HPSE2: variants seen among roughly 807,000 people sequenced by gnomAD.
HPSE2 encodes heparanase 2 (inactive), also known as inactive heparanase-2.
HPSE2 carries 38 observed loss-of-function variants against 60.5 expected under a neutral mutation model. The ratio of observed to expected loss-of-function variants is 0.63; its 90% CI spans 0.48 to 0.82. HPSE2 has a LOEUF of 0.82. Among genes scored for constraint, HPSE2 ranks in the 40% least tolerant of loss-of-function variants. HPSE2 has a pLI of 0.00. For missense variants in HPSE2, 713 were observed against 740.4 expected (o/e 0.96, Z 0.43); for synonymous variants, 295 against 293.2 (o/e 1.01, Z -0.06).
chr10:98,675,508 C>T (rs1947612802), intron 6 of HPSE2, among the ~76,000 whole-genome samples: 1 of 150,882 alleles, frequency 6.6e-6, no homozygotes, highest in Non-Finnish European at 1.5e-5. Context: ...CAGTTTGAGA[C>T]CAGCCTAAGC....
At chr10:98,521,472 A>T (rs143444841) in intron 9 of HPSE2, among the ~76,000 whole-genome samples, 3,201 of 152,300 alleles carry the variant, frequency 0.021, 118 homozygotes, top group African/African-American at 0.072. Flanking sequence ...ATCATTAAAA[A>T]GTCAGGAAAC....
At chr10:99,272,361 T>C in the HPSE2 span, among the ~76,000 whole-genome samples, 81 of 151,824 alleles carry the variant, frequency 5.3e-4, no homozygotes, top group Non-Finnish European at 6.6e-4. Flanking sequence ...CTTCTAGACA[T>C]TGGCTTTGGC....
intron 6 of HPSE2, among the ~76,000 whole-genome samples, chr10:98,674,709 G>A (rs925219114): frequency 1.3e-5 from 2 of 152,194 alleles, no homozygotes; most frequent in East Asian, 3.9e-4. Context: ...GAGGTCAGGA[G>A]TTCGAGACCA....
At chr10:98,721,119 C>T (rs1948912146) in intron 5 of HPSE2, among the ~76,000 whole-genome samples, 1 of 151,808 alleles carries the variant, frequency 6.6e-6, no homozygotes, top group Admixed American at 6.6e-5. Flanking sequence ...TCTTTCCTTG[C>T]CTTGCGTGAT....
chr10:98,565,638 T>C (rs4917842), intron 9 of HPSE2, among the ~76,000 whole-genome samples: 130,968 of 152,126 alleles, frequency 0.86, 57,321 homozygotes, highest in East Asian at 1. Context: ...AGTAAACATA[T>C]GTGTGCATGC....
intron 2 of HPSE2, among the ~76,000 whole-genome samples, chr10:99,153,311 A>T (rs986304233): frequency 2.6e-5 from 4 of 152,170 alleles, no homozygotes; most frequent in Non-Finnish European, 5.9e-5. Context: ...GCACAGACAA[A>T]CAAAAAGACA....
At chr10:98,465,196 C>T (rs985265103) in intron 11 of HPSE2, among the ~76,000 whole-genome samples, 11 of 152,318 alleles carry the variant, frequency 7.2e-5, no homozygotes, top group African/African-American at 2.6e-4. Flanking sequence ...CATTGAACAG[C>T]TTGTAAGCTT....
chr10:98,598,416 C>A (rs528655709), intron 9 of HPSE2, among the ~76,000 whole-genome samples: 3 of 152,040 alleles, frequency 2.0e-5, no homozygotes, highest in Non-Finnish European at 4.4e-5. Flanking sequence ...TTAGGGCAGG[C>A]CTGGAGCCTG....
At chr10:99,304,556 G>A in the HPSE2 span, among the ~76,000 whole-genome samples, 43 of 152,216 alleles carry the variant, frequency 2.8e-4, no homozygotes, top group Non-Finnish European at 5.0e-4. Context: ...TGCCTGCCCT[G>A]CATCAGATAC....
chr10:98,778,138 G>A (rs1950381369), intron 3 of HPSE2, among the ~76,000 whole-genome samples: 1 of 152,104 alleles, frequency 6.6e-6, no homozygotes, highest in South Asian at 2.1e-4. Flanking sequence ...GTGGGACACA[G>A]AGGTGGGTGC....
rs140410853 is a variant in HPSE2 at position 99,183,457 on chromosome 10, A to T, written c.449-39058T>A. Among the ~76,000 whole-genome samples, 8 of 152,328 alleles carry T rather than the reference A, an allele frequency of 5.3e-5. No individual in the cohort carries two copies. In the East Asian group the frequency reaches 1.3e-3, roughly 26 times the overall value. On this transcript the variant is annotated intron_variant, in intron 2 of 11. Transcript: ENST00000370552. ...GGAAACTTGTATTTGTTTTATCCTC[A>T]AGAAAGGATCTTCAGGCCTCTCAAA...
chr10:98,737,101 C>T (rs1451019615), intron 4 of HPSE2, among the ~76,000 whole-genome samples: 1 of 152,044 alleles, frequency 6.6e-6, no homozygotes, highest in East Asian at 1.9e-4. Flanking sequence ...CTCTCCTTCC[C>T]TATCAAAACT....
rs1290498326 is a variant in HPSE2 at position 99,235,395 on chromosome 10, CTCTT to C, written c.290+114_290+117del. 1.0e-5 allele frequency: 10 copies of C among 970,424 alleles called. No homozygotes were observed. The African/African-American group carries it at 1.6e-4, about 16-fold the overall frequency. The allele number at this position is 970,424 out of a possible 1,614,324, so 60.1% of individuals were successfully genotyped here. On this transcript the variant is annotated intron_variant, in intron 1 of 11. Transcript: ENST00000370552. ...CAGGAGAAGGAAAACCTCTTTTCTT[CTCTT>C]TGAGAGATCTGCTTGGCTTATTTTC...
At chr10:98,532,316 C>G (rs1943155750) in intron 9 of HPSE2, among the ~76,000 whole-genome samples, 1 of 152,148 alleles carries the variant, frequency 6.6e-6, no homozygotes, top group Non-Finnish European at 1.5e-5. Flanking sequence ...AGGGCCAGCA[C>G]AGAAATCTTG....
chr10:98,915,064 G>T (rs771368915), intron 3 of HPSE2, among the ~76,000 whole-genome samples: 1 of 149,640 alleles, frequency 6.7e-6, no homozygotes, highest in African/African-American at 2.4e-5. Flanking sequence ...TGTCTTTGAT[G>T]ATATAATTAT....
chr10:98,758,423 A>C (rs1480893307), intron 3 of HPSE2, among the ~76,000 whole-genome samples: 5 of 152,192 alleles, frequency 3.3e-5, no homozygotes, highest in African/African-American at 1.2e-4. Flanking sequence ...GAATATTTGC[A>C]ATCTATGTAT....
Position 98,958,177 on chromosome 10 carries a change from A to G in HPSE2, c.610+186061T>C, listed in dbSNP as rs1955556954. Among the ~76,000 whole-genome samples the G allele has an allele frequency of 2.0e-5, 3 of 152,294 alleles. No individual in the cohort carries two copies. In the South Asian group the frequency reaches 6.2e-4, roughly 32 times the overall value. The stretch of plus-strand genomic sequence containing the variant: ...GTGTCTCAGAGGGTTTTCTTTGTCT[A>G]TGTCACTCACTGCACACTCAAATGC... On this transcript the variant is annotated intron_variant, in intron 3 of 11. Transcript: ENST00000370552.
At chr10:99,042,364 G>A (rs1450172328) in intron 3 of HPSE2, among the ~76,000 whole-genome samples, 2 of 151,670 alleles carry the variant, frequency 1.3e-5, no homozygotes, top group Non-Finnish European at 2.9e-5. Context: ...ACTGGCAGAA[G>A]CAGCTCTGCA....
chr10:98,970,496 G>A (rs1388788893), intron 3 of HPSE2, among the ~76,000 whole-genome samples: 2 of 152,132 alleles, frequency 1.3e-5, no homozygotes, highest in African/African-American at 2.4e-5. Context: ...TTATGGAAAC[G>A]TCTTTGCCCC....
Sources: gnomAD v4.1 joint callset for allele counts (sites outside exome capture counted in the v4.1 genomes callset) on GRCh38, gnomAD v4.1.1 for gene constraint, MANE v1.5 for transcripts, NCBI Gene and HGNC (gene_info 2026-07-23, HGNC 2026-07-21) for gene names.